The following BAZ1B variants were observed in gnomAD, a reference collection of about 807,000 sequenced individuals.
BAZ1B encodes the protein tyrosine-protein kinase BAZ1B.
BAZ1B carries 22 observed loss-of-function variants against 153.8 expected under a neutral mutation model. That is an observed-to-expected ratio of 0.14 (90% CI 0.10 to 0.20). The LOEUF is 0.20. BAZ1B is among the 10% of genes least tolerant of loss of function. The probability of loss-of-function intolerance (pLI) is 1.00; values close to 1 mark genes in which losing one functional copy is unlikely to be tolerated. For missense variants in BAZ1B, 1,325 were observed against 1,799.3 expected (o/e 0.74, Z 4.77); for synonymous variants, 676 against 633.4 (o/e 1.07, Z -1.01).
rs1374631712 is a variant in BAZ1B at position 73,522,252 on chromosome 7, G to A, written c.-319C>T. On this transcript the variant is annotated 5_prime_UTR_variant, in exon 1 of 20. Coordinates refer to ENST00000339594, the MANE Select transcript of BAZ1B (RefSeq NM_032408.4). ...CGGAGGAAATTATTGAAAAATGGCGGGAGATTCCCCTCCTCCCCCGGGCCC... is the reference window on the plus strand; with the variant it reads ...CGGAGGAAATTATTGAAAAATGGCGAGAGATTCCCCTCCTCCCCCGGGCCC... 4 of 377,462 alleles carry A rather than the reference G, an allele frequency of 1.1e-5. No individual in the cohort carries two copies. The highest frequency in any genetic ancestry group is 1.4e-5 in the Non-Finnish European group (3 of 212,504). The allele number at this position is 377,462 out of a possible 1,614,324, so 23.4% of individuals were successfully genotyped here.
intron 12 of BAZ1B, among the ~76,000 whole-genome samples, chr7:73,461,545 A>G (rs1788397476): frequency 1.3e-5 from 2 of 152,228 alleles, no homozygotes; most frequent in Non-Finnish European, 2.9e-5. Context: ...CTTTGGGTTC[A>G]ATAATTCTTT....
intron 7 of BAZ1B, among the ~76,000 whole-genome samples, chr7:73,472,902 C>T (rs1173410516): frequency 1.3e-5 from 2 of 150,172 alleles, no homozygotes; most frequent in African/African-American, 4.9e-5. Flanking sequence ...AATTATAGGC[C>T]GAGTAGCTGG....
chr7:73,454,888 G>A (rs1029630799), intron 13 of BAZ1B, among the ~76,000 whole-genome samples: 3 of 151,394 alleles, frequency 2.0e-5, no homozygotes, highest in Non-Finnish European at 1.5e-5. Context: ...ACGGAGTCTC[G>A]CTCTGTTGCC....
At chr7:73,498,084 C>T (rs189636075) in intron 4 of BAZ1B, among the ~76,000 whole-genome samples, 4 of 152,036 alleles carry the variant, frequency 2.6e-5, no homozygotes, top group East Asian at 3.9e-4. Flanking sequence ...CTCAGCTTCC[C>T]GAGTAGCTGG....
Position 73,469,520 on chromosome 7 carries a change from G to A in BAZ1B, c.2863C>T (p.Arg955Cys), listed in dbSNP as rs767302342. 36 of 1,614,070 alleles carry A rather than the reference G, an allele frequency of 2.2e-5. No individual in the cohort carries two copies. Among genetic ancestry groups the A allele is most frequent in the Non-Finnish European group, 2.9e-5 (34 of 1,180,032 alleles). ...TVSGDEDYCP[R>C]SKKANLGKNA... is the part of the protein sequence containing the mutation. ...TTAGATATACAGATATACTCACTGC[G>A]AGGACAGTAATCCTCATCACCAGAG... The change falls in exon 9 of 20, where the codon CGC (arginine) becomes TGC (cysteine). Residue 955 changes from arginine to cysteine, a missense_variant. By Grantham distance (180) the Arg-to-Cys change is radical (BLOSUM62 -3). Coordinates refer to ENST00000339594, the MANE Select transcript of BAZ1B (RefSeq NM_032408.4).
Position 73,510,613 on chromosome 7 carries a change from T to C in BAZ1B, c.224+123A>G, listed in dbSNP as rs1048854092. 3.5e-5 allele frequency: 32 copies of C among 911,596 alleles called. No individual in the cohort carries two copies. In the African/African-American group the frequency reaches 4.1e-4, roughly 12 times the overall value. The allele number at this position is 911,596 out of a possible 1,614,324, so 56.5% of individuals were successfully genotyped here. On this transcript the variant is annotated intron_variant, in intron 2 of 19. Coordinates refer to ENST00000339594, the MANE Select transcript of BAZ1B (RefSeq NM_032408.4). ...GAACCCAGAAACCCATACAGTACAC[T>C]AATGTAATATAGTCTAATTTGTGCC...
intron 6 of BAZ1B, among the ~76,000 whole-genome samples, chr7:73,480,374 C>T (rs1789155556): frequency 6.6e-6 from 1 of 152,024 alleles, no homozygotes; most frequent in Non-Finnish European, 1.5e-5. Flanking sequence ...TGTCATGATA[C>T]CACTGCTTCT....
At chr7:73,503,586 G>A (rs1179075383) in intron 3 of BAZ1B, among the ~76,000 whole-genome samples, 1 of 152,064 alleles carries the variant, frequency 6.6e-6, no homozygotes, top group African/African-American at 2.4e-5. Flanking sequence ...TGTTGCCCAG[G>A]CTGGTCTCAA....
In BAZ1B at chr7:73,459,522, TAAC is replaced by T. The variant is rs782560677; in HGVS notation, c.3432+11_3432+13del. The T allele has an allele frequency of 1.2e-6, 2 of 1,608,920 alleles. No homozygotes were observed. Among genetic ancestry groups the T allele is most frequent in the South Asian group, 1.1e-5 (1 of 90,758 alleles). ...CTACGGAATCATAAACTACAACTTA[TAAC>T]AACAAAATACCTTTGCTTCCTCTAC... On this transcript the variant is annotated intron_variant, in intron 13 of 19. Transcript: ENST00000339594.
intron 2 of BAZ1B, among the ~76,000 whole-genome samples, chr7:73,510,529 G>A (rs1296998014): frequency 1.3e-5 from 2 of 152,188 alleles, no homozygotes; most frequent in Non-Finnish European, 2.9e-5. Flanking sequence ...ACCTAAACAA[G>A]TGCACCTATA....
intron 2 of BAZ1B, among the ~76,000 whole-genome samples, chr7:73,510,081 C>T (rs1251176756): frequency 1.3e-5 from 2 of 151,598 alleles, no homozygotes; most frequent in African/African-American, 4.9e-5. Context: ...GGGCCGAAAT[C>T]GTGCCCCTGC....
intron 4 of BAZ1B, 51 bp from the exon 5 acceptor site, chr7:73,492,972 T>C: frequency 1.3e-6 from 2 of 1,533,588 alleles, no homozygotes; most frequent in South Asian, 2.5e-5. Flanking sequence ...TTAATCCTTT[T>C]CATTCATTCA....
intron 3 of BAZ1B, among the ~76,000 whole-genome samples, chr7:73,505,414 ACTAT>A (rs1459958898): frequency 4.6e-5 from 7 of 152,198 alleles, no homozygotes; most frequent in Non-Finnish European, 8.8e-5. Flanking sequence ...CAAACTTGGA[ACTAT>A]CTAAGACTTA....
At chr7:73,471,811 C>A (rs2116319121) in intron 7 of BAZ1B, among the ~76,000 whole-genome samples, 2 of 151,390 alleles carry the variant, frequency 1.3e-5, no homozygotes, top group Non-Finnish European at 2.9e-5. Flanking sequence ...TTTTCTAGCC[C>A]AAGTGAAACT....
intron 9 of BAZ1B, among the ~76,000 whole-genome samples, chr7:73,468,571 A>G (rs1554571534): frequency 6.6e-6 from 1 of 152,214 alleles, no homozygotes; most frequent in Non-Finnish European, 1.5e-5. Flanking sequence ...GAATATGGAT[A>G]TATATTCAGA....
intron 6 of BAZ1B, among the ~76,000 whole-genome samples, chr7:73,483,898 T>C (rs7799778): frequency 0.74 from 111,939 of 152,038 alleles, 41,362 homozygotes; most frequent in East Asian, 0.92. Context: ...CCTCAGCCCC[T>C]CAAACTGCTG....
At chr7:73,483,813 T>C (rs1228537722) in intron 6 of BAZ1B, among the ~76,000 whole-genome samples, 1 of 152,084 alleles carries the variant, frequency 6.6e-6, no homozygotes, top group African/African-American at 2.4e-5. Context: ...AGTTAATTTT[T>C]TGTGTATGTA....
chr7:73,495,777 G>T (rs1340526563), intron 4 of BAZ1B, among the ~76,000 whole-genome samples: 1 of 152,114 alleles, frequency 6.6e-6, no homozygotes, highest in African/African-American at 2.4e-5. Context: ...ACTAACACAG[G>T]AACAGAAAAC....
chr7:73,479,831 G>A (rs1384124704), intron 6 of BAZ1B, among the ~76,000 whole-genome samples: 1 of 152,002 alleles, frequency 6.6e-6, no homozygotes, highest in Non-Finnish European at 1.5e-5. Context: ...CTCCTGCCCT[G>A]CATATGTTCA....
Sources: gnomAD v4.1 joint callset for allele counts (sites outside exome capture counted in the v4.1 genomes callset) on GRCh38, gnomAD v4.1.1 for gene constraint, MANE v1.5 for transcripts, NCBI Gene and HGNC (gene_info 2026-07-23, HGNC 2026-07-21) for gene names.